The following OSBPL1A variants were observed in gnomAD, a reference collection of about 807,000 sequenced individuals.
OSBPL1A encodes the protein oxysterol binding protein like 1A.
In OSBPL1A, 80 loss-of-function variants were observed where a neutral mutation model predicts 137.1. That is an observed-to-expected ratio of 0.58 (90% CI 0.49 to 0.70). The LOEUF (loss-of-function observed/expected upper bound fraction) is 0.70, where lower values mean the gene tolerates loss of function less well. Ranked by LOEUF, OSBPL1A falls within the 30% of genes least tolerant of loss-of-function variation. The pLI is 0.00. For missense variants in OSBPL1A, 970 were observed against 1,129.4 expected, an observed-to-expected ratio of 0.86 and a Z score of 2.02; for synonymous variants, 365 against 389.7, an observed-to-expected ratio of 0.94 and a Z score of 0.75.
intron 2 of OSBPL1A, among the ~76,000 whole-genome samples, chr18:24,370,474 C>T (rs1905537036): frequency 6.6e-6 from 1 of 152,154 alleles, no homozygotes; most frequent in Non-Finnish European, 1.5e-5. Flanking sequence ...CTCACTTTCT[C>T]AGCTTCCCTC....
At chr18:24,268,590 T>C (rs112842390) in intron 15 of OSBPL1A, among the ~76,000 whole-genome samples, 10 of 152,222 alleles carry the variant, frequency 6.6e-5, no homozygotes, top group African/African-American at 2.4e-4. Flanking sequence ...ACCACCTGGC[T>C]ACCAAATACA....
chr18:24,331,638 C>T lies in OSBPL1A; in HGVS notation c.625+1304G>A, dbSNP rs1005550330. Among the ~76,000 whole-genome samples, 11 of 151,524 alleles carry T rather than the reference C, an allele frequency of 7.3e-5. No individual in the cohort carries two copies. The East Asian group carries it at 9.8e-4, about 14-fold the overall frequency. On this transcript the variant is annotated intron_variant, in intron 7 of 27. Transcript: ENST00000319481. ...GTCTCGATCTCCTGACCTCGTGATCCGCCCGCCTCGGCCTCCCAAAGTGCT... is the reference window on the plus strand; with the variant it reads ...GTCTCGATCTCCTGACCTCGTGATCTGCCCGCCTCGGCCTCCCAAAGTGCT...
intron 20 of OSBPL1A, 27 bp from the exon 21 acceptor site, chr18:24,178,222 A>AG: frequency 1.5e-6 from 2 of 1,360,468 alleles, no homozygotes; most frequent in Non-Finnish European, 2.0e-6. Flanking sequence ...AAAAAAAAAG[A>AG]AAAAAAAAAG....
intron 16 of OSBPL1A, 123 bp from the exon 17 acceptor site, chr18:24,225,321 T>C: frequency 1.0e-6 from 1 of 972,412 alleles, no homozygotes; most frequent in Non-Finnish European, 1.5e-6. Flanking sequence ...CCCTCAACAA[T>C]CCATCTGTTA....
intron 18 of OSBPL1A, among the ~76,000 whole-genome samples, chr18:24,184,896 A>G (rs2145928724): frequency 6.6e-6 from 1 of 152,222 alleles, no homozygotes; most frequent in Non-Finnish European, 1.5e-5. Context: ...CCTTCAATGG[A>G]GAGCTCTTTG....
intron 14 of OSBPL1A, among the ~76,000 whole-genome samples, chr18:24,298,743 G>T (rs1302858338): frequency 6.6e-6 from 1 of 152,188 alleles, no homozygotes; most frequent in Non-Finnish European, 1.5e-5. Flanking sequence ...TATCTGTTCA[G>T]TCCATTGTTC....
chr18:24,347,489 A>C (rs1284554233), intron 4 of OSBPL1A, among the ~76,000 whole-genome samples: 3 of 152,140 alleles, frequency 2.0e-5, no homozygotes, highest in Non-Finnish European at 4.4e-5. Flanking sequence ...CCGGCCGTAA[A>C]GCAATTTCTT....
intron 11 of OSBPL1A, among the ~76,000 whole-genome samples, chr18:24,316,628 T>C (rs117116974): frequency 6.6e-6 from 1 of 152,332 alleles, no homozygotes; most frequent in East Asian, 1.9e-4. Flanking sequence ...ATAAGTATGT[T>C]ATCAATAACA....
chr18:24,300,260 C>T (rs1047453847), intron 14 of OSBPL1A, among the ~76,000 whole-genome samples: 17 of 152,130 alleles, frequency 1.1e-4, no homozygotes, highest in African/African-American at 4.1e-4. Flanking sequence ...AAAGACACAA[C>T]GTTTGGTCAA....
chr18:24,387,048 A>G (rs948023729), intron 1 of OSBPL1A, among the ~76,000 whole-genome samples: 2 of 152,060 alleles, frequency 1.3e-5, no homozygotes, highest in African/African-American at 4.8e-5. Flanking sequence ...TGAAATATAT[A>G]TATTTCTGAA....
At chr18:24,253,072 C>T (rs2089148903) in intron 15 of OSBPL1A, among the ~76,000 whole-genome samples, 2 of 139,180 alleles carry the variant, frequency 1.4e-5, no homozygotes, top group Admixed American at 7.8e-5. Flanking sequence ...GGCTGCAAAA[C>T]AATTAGAAAA....
chr18:24,272,010 G>T, intron 15 of OSBPL1A: 1 of 981,420 alleles, frequency 1.0e-6, no homozygotes, highest in Non-Finnish European at 1.2e-6. Flanking sequence ...CCTGCGGCGG[G>T]CGGCTCCCTG....
intron 9 of OSBPL1A, 85 bp from the exon 10 acceptor site, chr18:24,317,485 G>C (rs2090757897): frequency 1.9e-6 from 2 of 1,073,954 alleles, no homozygotes; most frequent in East Asian, 4.7e-5. Flanking sequence ...AGTGAGGACA[G>C]TCATATTTGA....
chr18:24,207,848 C>T (rs1049122370), intron 17 of OSBPL1A, among the ~76,000 whole-genome samples: 1 of 152,160 alleles, frequency 6.6e-6, no homozygotes, highest in Non-Finnish European at 1.5e-5. Flanking sequence ...TGGGTTCAAG[C>T]GATTCTCATG....
intron 4 of OSBPL1A, among the ~76,000 whole-genome samples, chr18:24,348,496 GGCA>G (rs1487119741): frequency 6.6e-6 from 1 of 152,202 alleles, no homozygotes; most frequent in Non-Finnish European, 1.5e-5. Context: ...CTTCAGGCCA[GGCA>G]TGGTGGCTCA....
At chr18:24,268,645 C>T (rs2089641819) in intron 15 of OSBPL1A, among the ~76,000 whole-genome samples, 1 of 152,088 alleles carries the variant, frequency 6.6e-6, no homozygotes, top group Non-Finnish European at 1.5e-5. Flanking sequence ...CAGCTTGTCT[C>T]CCTTGATCTC....
Position 24,376,202 on chromosome 18 carries a change from G to C in OSBPL1A, c.121+1211C>G, listed in dbSNP as rs190171025. Among the ~76,000 whole-genome samples the C allele has an allele frequency of 6.1e-3, 933 of 152,252 alleles. 6 individuals are homozygous for C. The highest frequency in any genetic ancestry group is 0.017 in the Middle Eastern group (5 of 294). ...CCACATCCTGCTGACTGGTAGAGCC[G>C]AGTGGTCTGTTTTGACAGGGTGCTG... On this transcript the variant is annotated intron_variant, in intron 2 of 27. Transcript: ENST00000319481.
At chr18:24,219,974 T>G (rs1170275605) in intron 17 of OSBPL1A, among the ~76,000 whole-genome samples, 1 of 152,236 alleles carries the variant, frequency 6.6e-6, no homozygotes, top group Non-Finnish European at 1.5e-5. Flanking sequence ...GGATAACCAC[T>G]CTAGTCTCCT....
At chr18:24,173,378 A>AAACCT (rs548178285) in intron 21 of OSBPL1A, among the ~76,000 whole-genome samples, 30 of 152,212 alleles carry the variant, frequency 2.0e-4, no homozygotes, top group African/African-American at 7.2e-4. Context: ...ATGTACCCCC[A>AAACCT]AACCTAAAAT....
Sources: allele counts gnomAD v4.1 joint callset (sites outside exome capture counted in the v4.1 genomes callset), GRCh38; gene constraint gnomAD v4.1.1; transcripts MANE v1.5; gene names NCBI Gene and HGNC (gene_info 2026-07-23, HGNC 2026-07-21).